The following ANKRD24 variants were observed in gnomAD, a reference collection of about 807,000 sequenced individuals.
ANKRD24 encodes the protein ankyrin repeat domain-containing protein 24.
A neutral mutation model predicts 127.8 loss-of-function variants in ANKRD24; 109 were observed. That is an observed-to-expected ratio of 0.85 (90% CI 0.73 to 1.00). The LOEUF (loss-of-function observed/expected upper bound fraction) is 1.00. Ranked by LOEUF, ANKRD24 falls within the 50% of genes least tolerant of loss-of-function variation. The pLI, the probability that ANKRD24 is intolerant of heterozygous loss-of-function variation, is 0.00. For missense variants in ANKRD24, 1,648 were observed against 1,570.2 expected (o/e 1.05, Z -0.84); for synonymous variants, 743 against 671.1 (o/e 1.11, Z -1.66).
intron 18 of ANKRD24, among the ~76,000 whole-genome samples, chr19:4,219,289 A>AC (rs1374833846): frequency 4.0e-5 from 6 of 151,636 alleles, no homozygotes; most frequent in East Asian, 3.9e-4. Context: ...CTGTCTCAAA[A>AC]AAAAACAAAA....
intron 2 of ANKRD24, among the ~76,000 whole-genome samples, chr19:4,193,877 A>AAGGG (rs1968546507): frequency 1.3e-4 from 17 of 132,630 alleles, no homozygotes; most frequent in Non-Finnish European, 2.2e-4. Flanking sequence ...GGAAGGAAGG[A>AAGGG]AGGAAGGAAG....
At chr19:4,222,914 T>A in intron 20 of ANKRD24, 119 bp downstream of exon 20, 1 of 1,193,678 alleles carries the variant, frequency 8.4e-7, no homozygotes, top group Non-Finnish European at 1.1e-6. Context: ...GCAGGTGGGG[T>A]CCACATCACA....
At chr19:4,207,335 G>A (rs200055244) in intron 8 of ANKRD24, 23 bp downstream of exon 8, 57 of 1,610,996 alleles carry the variant, frequency 3.5e-5, no homozygotes, top group Middle Eastern at 1.7e-4. Context: ...GATCTCTTCA[G>A]GGAAGATGTT....
chr19:4,190,598 T>A (rs1468596391), intron 2 of ANKRD24, among the ~76,000 whole-genome samples: 1 of 152,038 alleles, frequency 6.6e-6, no homozygotes, highest in African/African-American at 2.4e-5. Context: ...CCGGGCATGG[T>A]GGTGGGCACC....
intron 2 of ANKRD24, among the ~76,000 whole-genome samples, chr19:4,197,180 T>C (rs1968794099): frequency 6.6e-6 from 1 of 152,032 alleles, no homozygotes; most frequent in African/African-American, 2.4e-5. Context: ...GGCCCTGTCA[T>C]ATAGGTAGGA....
chr19:4,212,974 T>C (rs962499920), intron 15 of ANKRD24, among the ~76,000 whole-genome samples: 1 of 152,024 alleles, frequency 6.6e-6, no homozygotes, highest in Non-Finnish European at 1.5e-5. Context: ...CTACTACAAA[T>C]ACAAAAATTA....
Position 4,207,804 on chromosome 19 carries a change from AG to A in ANKRD24, c.673del (p.Ala225ProfsTer103), listed in dbSNP as rs1969478389. The A allele has an allele frequency of 1.3e-6, 2 of 1,572,982 alleles. No homozygotes were observed. Among genetic ancestry groups the A allele is most frequent in the Admixed American group, 2.0e-5 (1 of 50,852 alleles). On this transcript the variant is annotated frameshift_variant, in exon 10 of 22. Coordinates refer to ENST00000318934, the MANE Select transcript of ANKRD24 (RefSeq NM_001393985.1). LOFTEE classifies it high-confidence loss of function. ...QGRTALMLAC[E>X]GASPETVEVL... ...AGGACGGCCCTGATGCTGGCCTGTG[AG>A]GGGGCCAGCCCCGAAACAGTGGAGG...
intron 21 of ANKRD24, 88 bp downstream of exon 21, chr19:4,224,280 A>G: frequency 1.4e-6 from 2 of 1,443,700 alleles, no homozygotes; most frequent in South Asian, 1.2e-5. Flanking sequence ...GTACAGTGGG[A>G]GGCTGGTCTG....
intron 1 of ANKRD24, 70 bp from the exon 2 acceptor site, chr19:4,186,320 C>A: frequency 6.5e-7 from 1 of 1,535,306 alleles, no homozygotes; most frequent in Non-Finnish European, 8.8e-7. Context: ...TTGAGGAGGG[C>A]GAGGCAACGG....
At position 4,217,467 on chromosome 19, in the gene ANKRD24, C is replaced by T. The variant is rs1970172647; in HGVS notation, c.2307C>T (p.Arg769=). The part of the protein sequence containing the change: ...AEAGRLRERV[R]EAEGSGASGG... Reference sequence around the variant, plus strand: ...CAGGCCGGCTGCGAGAGCGTGTCCGCGAGGCCGAGGGCAGCGGGGCCAGCG... The same window carrying T: ...CAGGCCGGCTGCGAGAGCGTGTCCGTGAGGCCGAGGGCAGCGGGGCCAGCG... The change falls in exon 18 of 22, where the codon CGC becomes CGT. Residue 769 remains arginine (R), a synonymous_variant. Transcript: ENST00000318934. The T allele has an allele frequency of 2.0e-6, 3 of 1,476,940 alleles. No homozygotes were observed. The highest frequency in any genetic ancestry group is 1.8e-6 in the Non-Finnish European group (2 of 1,118,838). 91.5% of individuals were successfully genotyped at this position (1,476,940 alleles called of 1,614,324 possible). A position where few individuals can be genotyped will look rare whatever the true frequency, so the allele number is the denominator to read the frequency against.
chr19:4,184,971 G>GGT lies in ANKRD24; in HGVS notation c.-36-1417_-36-1416dup, dbSNP rs1967975489. On this transcript the variant is annotated intron_variant, in intron 1 of 21. Coordinates refer to ENST00000318934, the MANE Select transcript of ANKRD24 (RefSeq NM_001393985.1). ...TGGTGGGTGGGTGGATGGATGCACT[G>GGT]GTGGGTGGGTGGGTGGATGGATGGA... Among the ~76,000 whole-genome samples, 5 of 132,808 alleles carry GGT rather than the reference G, an allele frequency of 3.8e-5. No individual in the cohort carries two copies. The South Asian group carries it at 1.4e-3, about 37-fold the overall frequency. The allele number at this position is 132,808 out of a possible 152,430, so 87.1% of individuals were successfully genotyped here. A position where few individuals can be genotyped will look rare whatever the true frequency, so the allele number is the denominator to read the frequency against.
In ANKRD24 at chr19:4,199,350, A is replaced by T; in HGVS notation, c.37-333A>T. On this transcript the variant is annotated intron_variant, in intron 2 of 21. Transcript: ENST00000318934. The surrounding 1 kb of genome is among the most constrained non-coding windows in gnomAD (Gnocchi z 5.2). ...TCCCACCTCAGCCTCCCAAGCAGCT[A>T]CAGGCATGAGCCACCATGCCCCGCT... 1 of 268,802 alleles carries T rather than the reference A, an allele frequency of 3.7e-6. No homozygotes were observed. Among genetic ancestry groups the T allele is most frequent in the Non-Finnish European group, 5.7e-6 (1 of 174,950 alleles). 16.7% of individuals were successfully genotyped at this position (268,802 alleles called of 1,614,324 possible).
At chr19:4,211,403 T>TTGAGGTGGGCAGATCACTTGAGG (rs1029217703) in intron 13 of ANKRD24, among the ~76,000 whole-genome samples, 2 of 150,936 alleles carry the variant, frequency 1.3e-5, no homozygotes, top group African/African-American at 4.9e-5. Flanking sequence ...CTTTGGGAGG[T>TTGAGGTGGGCAGATCACTTGAGG]TGAGGTGGGC....
intron 19 of ANKRD24, 59 bp from the exon 20 acceptor site, chr19:4,222,611 A>G (rs1021069010): frequency 5.5e-5 from 82 of 1,496,688 alleles, no homozygotes; most frequent in Non-Finnish European, 1.2e-5. Context: ...GGCTGCAGAG[A>G]GGTCCTCAGC....
At chr19:4,214,649 T>C (rs1160978667) in intron 15 of ANKRD24, among the ~76,000 whole-genome samples, 2 of 151,272 alleles carry the variant, frequency 1.3e-5, no homozygotes, top group Non-Finnish European at 2.9e-5. Flanking sequence ...AGGTCAGGAG[T>C]TTGAGACTAG....
At chr19:4,197,143 G>A (rs1392713917) in intron 2 of ANKRD24, among the ~76,000 whole-genome samples, 4 of 152,018 alleles carry the variant, frequency 2.6e-5, no homozygotes, top group Non-Finnish European at 4.4e-5. Context: ...GAGGAGGAAG[G>A]AGAAGTCCAA....
At chr19:4,219,101 C>T (rs1970303098) in intron 18 of ANKRD24, among the ~76,000 whole-genome samples, 1 of 152,036 alleles carries the variant, frequency 6.6e-6, no homozygotes, top group African/African-American at 2.4e-5. Context: ...GCCTGGACAA[C>T]ATCGTGAAAC....
Position 4,207,850 on chromosome 19 carries a change from C to A in ANKRD24, c.714C>A (p.Ala238=), listed in dbSNP as rs1330798546. ...ETVEVLLQGG[A]QPGITDALGQ... ...TGGAGGTCCTGCTGCAGGGCGGAGC[C>A]CAGCCGGGCATCACCGATGCGCTGG... The change falls in exon 10 of 22, where the codon GCC becomes GCA. Residue 238 remains alanine (A), a synonymous_variant. Coordinates refer to ENST00000318934, the MANE Select transcript of ANKRD24 (RefSeq NM_001393985.1). 2 of 1,565,858 alleles carry A rather than the reference C, an allele frequency of 1.3e-6. No homozygotes were observed. The highest frequency in any genetic ancestry group is 2.3e-5 in the East Asian group (1 of 43,916).
chr19:4,206,407 G>A (rs968402094), intron 7 of ANKRD24, among the ~76,000 whole-genome samples: 1 of 151,426 alleles, frequency 6.6e-6, no homozygotes, highest in Non-Finnish European at 1.5e-5. Context: ...CTTGAGCCCA[G>A]GAGTTCAAGA....
Sources: allele counts gnomAD v4.1 joint callset (sites outside exome capture counted in the v4.1 genomes callset), GRCh38; gene constraint gnomAD v4.1.1; non-coding constraint Gnocchi (gnomAD v3.1); transcripts MANE v1.5; gene names NCBI Gene and HGNC (gene_info 2026-07-23, HGNC 2026-07-21).